The following BABAM2 variants were observed in gnomAD, a reference collection of about 807,000 sequenced individuals.
The protein encoded by BABAM2 is BRISC and BRCA1 A complex member 2, also known as BRISC and BRCA1-A complex member 2.
BABAM2 carries 31 observed loss-of-function variants against 54.7 expected under a neutral mutation model. The observed-to-expected ratio is 0.57, with a 90% CI of 0.43 to 0.77. BABAM2 has a LOEUF of 0.77. BABAM2 is among the 30% of genes least tolerant of loss of function. The probability of loss-of-function intolerance (pLI) is 0.00; values close to 1 mark genes in which losing one functional copy is unlikely to be tolerated. For missense variants in BABAM2, 364 were observed against 455.8 expected (o/e 0.80, Z 1.83); for synonymous variants, 167 against 162.9 (o/e 1.03, Z -0.19).
chr2:28,237,385 A>C, intron 8 of BABAM2, 84 bp downstream of exon 8: 1 of 1,251,708 alleles, frequency 8.0e-7, no homozygotes, highest in Non-Finnish European at 1.2e-6. Context: ...TGCATGCTCC[A>C]TCCTTCTCGG....
At chr2:28,197,224 G>T (rs1280522698) in intron 7 of BABAM2, among the ~76,000 whole-genome samples, 1 of 152,122 alleles carries the variant, frequency 6.6e-6, no homozygotes, top group Non-Finnish European at 1.5e-5. Context: ...GGTATAGAAA[G>T]ACTTTCTTTT....
At chr2:28,123,798 G>A (rs1288211083) in intron 6 of BABAM2, among the ~76,000 whole-genome samples, 3 of 152,056 alleles carry the variant, frequency 2.0e-5, no homozygotes, top group Admixed American at 6.5e-5. Flanking sequence ...CATATAAAAC[G>A]AACTCCTGGA....
chr2:28,073,398 T>C (rs1175778107), intron 6 of BABAM2, among the ~76,000 whole-genome samples: 1 of 152,142 alleles, frequency 6.6e-6, no homozygotes, highest in Non-Finnish European at 1.5e-5. Context: ...CTCAAGAGGC[T>C]GAGGCAGGAG....
chr2:28,104,161 G>A (rs1033308906), intron 6 of BABAM2, among the ~76,000 whole-genome samples: 9 of 152,272 alleles, frequency 5.9e-5, no homozygotes, highest in African/African-American at 2.2e-4. Flanking sequence ...AACACCAAAA[G>A]CAATGGCAAC....
In BABAM2 at chr2:28,321,848, G is replaced by A. The variant is rs1403797917; in HGVS notation, c.1089-16602G>A. Among the ~76,000 whole-genome samples, 4 of 151,932 alleles carry A rather than the reference G, an allele frequency of 2.6e-5. No individual in the cohort carries two copies. In the East Asian group the frequency reaches 7.8e-4, roughly 29 times the overall value. ...TCACTGCTTGGAGAGGAGGAGGATT[G>A]TGGAGTTCCTTGTCCCGGGTCAGTT... On this transcript the variant is annotated intron_variant, in intron 11 of 11. Coordinates refer to ENST00000379624, the MANE Select transcript of BABAM2 (RefSeq NM_199191.3).
Position 28,338,588 on chromosome 2 carries a change from G to C in BABAM2, c.*75G>C. 1 of 1,544,252 alleles carries C rather than the reference G, an allele frequency of 6.5e-7. No homozygotes were observed. The highest frequency in any genetic ancestry group is 8.9e-7 in the Non-Finnish European group (1 of 1,118,336). On this transcript the variant is annotated 3_prime_UTR_variant, in exon 12 of 12. Transcript: ENST00000379624. ...TGTCAGCACATACAGCCGCTTCCTG[G>C]AAGCCGCCTGGAATGTCTTCACGGC...
chr2:28,080,574 C>CAAA (rs1665075728), intron 6 of BABAM2, among the ~76,000 whole-genome samples: 5 of 152,068 alleles, frequency 3.3e-5, no homozygotes, highest in African/African-American at 1.2e-4. Context: ...TTGGTGATGG[C>CAAA]TGTTGAACAA....
At chr2:28,096,917 G>A (rs992950856) in intron 6 of BABAM2, among the ~76,000 whole-genome samples, 4 of 152,126 alleles carry the variant, frequency 2.6e-5, no homozygotes, top group African/African-American at 9.7e-5. Flanking sequence ...TTGCATTCAG[G>A]AAAGATTAGA....
chr2:28,235,278 G>A (rs1681797898), intron 7 of BABAM2, among the ~76,000 whole-genome samples: 2 of 152,170 alleles, frequency 1.3e-5, no homozygotes, highest in South Asian at 4.1e-4. Flanking sequence ...TTGGGTGCAA[G>A]CAATTTTCCT....
At chr2:27,927,542 G>A (rs1667799219) in intron 2 of BABAM2, among the ~76,000 whole-genome samples, 1 of 152,148 alleles carries the variant, frequency 6.6e-6, no homozygotes, top group African/African-American at 2.4e-5. Flanking sequence ...CATAATGCTA[G>A]AATTTATGTG....
chr2:28,131,073 A>ATTTTTTTTTTT (rs1259022923), intron 7 of BABAM2, among the ~76,000 whole-genome samples: 1 of 7,316 alleles, frequency 1.4e-4, no homozygotes, highest in East Asian at 2.9e-3. Context: ...TATTATTATT[A>ATTTTTTTTTTT]TTATTATTTT....
chr2:28,148,520 T>G (rs571371936), intron 7 of BABAM2, among the ~76,000 whole-genome samples: 1 of 152,308 alleles, frequency 6.6e-6, no homozygotes, highest in East Asian at 1.9e-4. Flanking sequence ...AGAACCACAT[T>G]TTGGGGGACA....
chr2:28,212,539 T>A (rs1018634883), intron 7 of BABAM2, among the ~76,000 whole-genome samples: 2 of 152,226 alleles, frequency 1.3e-5, no homozygotes, highest in African/African-American at 2.4e-5. Context: ...ATTTATCAGA[T>A]AATATGAGCG....
At chr2:28,112,197 CCCTTCCTTCCTTCCTTCCTT>C (rs1215942914) in intron 6 of BABAM2, among the ~76,000 whole-genome samples, 1 of 25,488 alleles carries the variant, frequency 3.9e-5, no homozygotes, top group African/African-American at 1.9e-4. Context: ...CTCCCTCCCT[CCCTTCCTTCCTTCCTTCCTT>C]CCTTCCTTCC....
chr2:28,027,686 C>T lies in BABAM2; in HGVS notation c.495+2266C>T, dbSNP rs138579962. On this transcript the variant is annotated intron_variant, in intron 5 of 11. Transcript: ENST00000379624. ...AATATTCCATTGAATAGACATACTACGTTTTGTTTATCCATTTACCAATTA... is the reference window on the plus strand; with the variant it reads ...AATATTCCATTGAATAGACATACTATGTTTTGTTTATCCATTTACCAATTA... Among the ~76,000 whole-genome samples, 7 of 152,258 alleles carry T rather than the reference C, an allele frequency of 4.6e-5. No homozygotes were observed. In the East Asian group the frequency reaches 7.7e-4, roughly 17 times the overall value.
At position 28,241,340 on chromosome 2, in the gene BABAM2, A is replaced by C. The variant is rs1261314443; in HGVS notation, c.798A>C (p.Gln266His). 8.7e-6 allele frequency: 14 copies of C among 1,613,938 alleles called. No homozygotes were observed. Among genetic ancestry groups the C allele is most frequent in the Non-Finnish European group, 1.1e-5 (13 of 1,179,950 alleles). The change falls in exon 9 of 12, where the codon CAA (glutamine) becomes CAC (histidine). Residue 266 changes from glutamine (Q) to histidine (H), a missense_variant. Transcript: ENST00000379624. The part of the protein sequence containing the change: ...LLTNKVQYVI[Q>H]GYHKRREYIA... ...TATTCCAGGTGCAGTACGTGATTCA[A>C]GGGTATCACAAAAGAAGAGAGTATA... is the stretch of plus-strand genomic sequence containing the variant.
At position 27,957,401 on chromosome 2, in the gene BABAM2, A is replaced by G. The variant is rs149282829; in HGVS notation, c.205+27493A>G. On this transcript the variant is annotated intron_variant, in intron 3 of 11. Coordinates refer to ENST00000379624, the MANE Select transcript of BABAM2 (RefSeq NM_199191.3). Reference sequence around the variant, plus strand: ...CAGCATTCTCTTTACCCCATTTTCTACTAAACCAGATTGCCTTGATAGCCT... The same window carrying G: ...CAGCATTCTCTTTACCCCATTTTCTGCTAAACCAGATTGCCTTGATAGCCT... Among the ~76,000 whole-genome samples, 137 of 152,192 alleles carry G rather than the reference A, an allele frequency of 9.0e-4. 1 individual carries two copies. The East Asian group carries it at 0.018, about 20-fold the overall frequency.
At chr2:28,165,069 C>T (rs572349049) in intron 7 of BABAM2, among the ~76,000 whole-genome samples, 12 of 152,258 alleles carry the variant, frequency 7.9e-5, no homozygotes, top group South Asian at 4.1e-4. Context: ...GTCCCAGGTA[C>T]GGTTCTGGGT....
At chr2:27,950,348 GA>G (rs1669615924) in intron 3 of BABAM2, among the ~76,000 whole-genome samples, 1 of 152,030 alleles carries the variant, frequency 6.6e-6, no homozygotes, top group African/African-American at 2.4e-5. Flanking sequence ...GACTACCACA[GA>G]AAAAAATCAA....
Sources: allele counts gnomAD v4.1 joint callset (sites outside exome capture counted in the v4.1 genomes callset), GRCh38; gene constraint gnomAD v4.1.1; transcripts MANE v1.5; gene names NCBI Gene and HGNC (gene_info 2026-07-23, HGNC 2026-07-21).